MMAA: variants seen among roughly 807,000 people sequenced by gnomAD.
The protein encoded by MMAA is metabolism of cobalamin associated A, also known as methylmalonic aciduria type A protein, mitochondrial.
A neutral mutation model predicts 45.0 loss-of-function variants in MMAA; 41 were observed. The ratio of observed to expected loss-of-function variants is 0.91; its 90% CI spans 0.71 to 1.18. The LOEUF is 1.18. Among genes scored for constraint, MMAA ranks in the 50% most tolerant of loss-of-function variants. The pLI is 0.00. For synonymous variants in MMAA, 154 were observed against 178.2 expected (o/e 0.86, Z 1.08); for missense variants, 460 against 495.7 (o/e 0.93, Z 0.68).
chr4:145,637,284 G>GTAGAC (rs1214951428), intron 1 of MMAA, among the ~76,000 whole-genome samples: 1 of 152,202 alleles, frequency 6.6e-6, no homozygotes, highest in African/African-American at 2.4e-5. Context: ...AGCTTCCAAA[G>GTAGAC]TAGACTCCCT....
In MMAA at chr4:145,659,020, G is replaced by A. The variant is rs935339773; in HGVS notation, c.*3586G>A. 4.6e-5 allele frequency: 7 copies of A among 152,170 alleles called. No individual in the cohort carries two copies. Among genetic ancestry groups the A allele is most frequent in the Admixed American group, 3.9e-4 (6 of 15,272 alleles). 9.4% of individuals were successfully genotyped at this position (152,170 alleles called of 1,614,324 possible). ...AATTCAGGTAGAGTGTCAGAGTGGT[G>A]GCTGGCACCAACGGTAGATGTTCTC... On this transcript the variant is annotated 3_prime_UTR_variant, in exon 7 of 7. Transcript: ENST00000649156.
At chr4:145,622,760 TTAAGA>T (rs1227243786) in intron 1 of MMAA, among the ~76,000 whole-genome samples, 1 of 152,186 alleles carries the variant, frequency 6.6e-6, no homozygotes, top group Non-Finnish European at 1.5e-5. Flanking sequence ...TAGCTGCAAC[TTAAGA>T]TAACTGGAAA....
chr4:145,632,885 G>A (rs1417338538), intron 1 of MMAA, among the ~76,000 whole-genome samples: 2 of 151,792 alleles, frequency 1.3e-5, no homozygotes, highest in Non-Finnish European at 2.9e-5. Flanking sequence ...GGCCTCCTGA[G>A]TAACTGGGAC....
At chr4:145,627,303 T>C (rs1463492211) in intron 1 of MMAA, among the ~76,000 whole-genome samples, 1 of 152,190 alleles carries the variant, frequency 6.6e-6, no homozygotes, top group Non-Finnish European at 1.5e-5. Flanking sequence ...GTTTGGAAGG[T>C]TGGTTGCATG....
intron 1 of MMAA, among the ~76,000 whole-genome samples, chr4:145,622,903 G>T (rs1236855484): frequency 1.3e-5 from 2 of 152,152 alleles, no homozygotes; most frequent in Non-Finnish European, 2.9e-5. Flanking sequence ...GAAGCTGTAT[G>T]GCAATGACAC....
intron 1 of MMAA, among the ~76,000 whole-genome samples, chr4:145,636,126 C>T (rs1199710427): frequency 6.6e-5 from 10 of 152,276 alleles, no homozygotes; most frequent in Middle Eastern, 3.4e-3. Flanking sequence ...ATGTGCCAGG[C>T]ATTTGGGGAA....
At chr4:145,621,528 T>C (rs963812455) in intron 1 of MMAA, among the ~76,000 whole-genome samples, 1 of 152,204 alleles carries the variant, frequency 6.6e-6, no homozygotes, top group African/African-American at 2.4e-5. Context: ...ATTTAAGAAG[T>C]CATCCTGCTC....
chr4:145,637,610 A>G (rs1049336057), intron 1 of MMAA, among the ~76,000 whole-genome samples: 4 of 152,212 alleles, frequency 2.6e-5, no homozygotes, highest in Admixed American at 2.6e-4. Context: ...TGCCATTTAC[A>G]GGTATACCTT....
chr4:145,621,590 G>T (rs1734087803), intron 1 of MMAA, among the ~76,000 whole-genome samples: 1 of 152,110 alleles, frequency 6.6e-6, no homozygotes, highest in Non-Finnish European at 1.5e-5. Context: ...GCCTTCTGTG[G>T]TTGGGGGGGG....
chr4:145,651,024 T>G, intron 4 of MMAA, 38 bp from the exon 5 acceptor site: 15 of 1,554,720 alleles, frequency 9.6e-6, no homozygotes, highest in East Asian at 2.2e-5. Flanking sequence ...CAAATAATGG[T>G]GAGTATTTTA....
chr4:145,651,323 C>T (rs1238988833), intron 5 of MMAA, among the ~76,000 whole-genome samples, 176 bp downstream of exon 5: 1 of 152,120 alleles, frequency 6.6e-6, no homozygotes, highest in Non-Finnish European at 1.5e-5. Context: ...TCCTAACTTA[C>T]AGGAATAGAA....
chr4:145,629,660 T>G (rs1001567364), intron 1 of MMAA, among the ~76,000 whole-genome samples: 3 of 152,170 alleles, frequency 2.0e-5, no homozygotes, highest in African/African-American at 7.2e-5. Context: ...AAAGAAAGGT[T>G]TAATTGGACT....
intron 2 of MMAA, 92 bp downstream of exon 2, chr4:145,639,670 A>G (rs1204902927): frequency 6.8e-6 from 10 of 1,481,370 alleles, no homozygotes; most frequent in African/African-American, 1.4e-5. Context: ...TTTGCAATCG[A>G]ATGGCGACTT....
chr4:145,656,844 A>G lies in MMAA; in HGVS notation c.*1410A>G, dbSNP rs1263417780. The G allele has an allele frequency of 2.0e-5, 3 of 152,202 alleles. No individual in the cohort carries two copies. The highest frequency in any genetic ancestry group is 4.8e-5 in the African/African-American group (2 of 41,462). 9.4% of individuals were successfully genotyped at this position (152,202 alleles called of 1,614,324 possible). A position where few individuals can be genotyped will look rare whatever the true frequency, so the allele number is the denominator to read the frequency against. ...ACTGGAATCAAACCTCTTGAGCATT[A>G]TTTTAACAAACATCCCTTTACATTT... On this transcript the variant is annotated 3_prime_UTR_variant, in exon 7 of 7. Coordinates refer to ENST00000649156, the MANE Select transcript of MMAA (RefSeq NM_172250.3).
At chr4:145,654,870 G>A (rs1316578625) in intron 6 of MMAA, among the ~76,000 whole-genome samples, 1 of 152,122 alleles carries the variant, frequency 6.6e-6, no homozygotes, top group Non-Finnish European at 1.5e-5. Context: ...CTGACCATCT[G>A]AGCAATTAAA....
intron 1 of MMAA, among the ~76,000 whole-genome samples, chr4:145,622,098 A>G (rs1734100115): frequency 1.3e-5 from 2 of 152,172 alleles, no homozygotes; most frequent in African/African-American, 4.8e-5. Flanking sequence ...TCCCTACCCA[A>G]ATCACATCTT....
chr4:145,659,637 A>G lies in MMAA; in HGVS notation c.*4203A>G, dbSNP rs1268295558. 6.6e-6 allele frequency: 1 copy of G among 152,208 alleles called. No individual in the cohort carries two copies. The highest frequency in any genetic ancestry group is 2.4e-5 in the African/African-American group (1 of 41,454). The allele number at this position is 152,208 out of a possible 1,614,324, so 9.4% of individuals were successfully genotyped here. A position where few individuals can be genotyped will look rare whatever the true frequency, so the allele number is the denominator to read the frequency against. On this transcript the variant is annotated 3_prime_UTR_variant, in exon 7 of 7. Coordinates refer to ENST00000649156, the MANE Select transcript of MMAA (RefSeq NM_172250.3). ...ACCTGGCCAATCTTAAGATGTGGAT[A>G]GAGTTCTTTTTTTTCTTTTTTCAAT...
intron 1 of MMAA, among the ~76,000 whole-genome samples, chr4:145,621,171 C>G (rs987216120): frequency 4.6e-5 from 7 of 152,126 alleles, no homozygotes; most frequent in African/African-American, 1.7e-4. Flanking sequence ...GATCCTGATA[C>G]GTAGATCTTA....
chr4:145,651,529 C>T (rs909791853), intron 5 of MMAA, among the ~76,000 whole-genome samples: 3 of 152,194 alleles, frequency 2.0e-5, no homozygotes, highest in African/African-American at 7.2e-5. Flanking sequence ...TTACTCTCCT[C>T]TGCACCGCAG....
Sources: gnomAD v4.1 joint callset for allele counts (sites outside exome capture counted in the v4.1 genomes callset) on GRCh38, gnomAD v4.1.1 for gene constraint, MANE v1.5 for transcripts, NCBI Gene and HGNC (gene_info 2026-07-23, HGNC 2026-07-21) for gene names.